The following SLC39A10 variants were observed in gnomAD, a reference collection of about 807,000 sequenced individuals.
SLC39A10 encodes the protein solute carrier family 39 member 10.
In SLC39A10, 13 loss-of-function variants were observed where a neutral mutation model predicts 65.1. The observed-to-expected ratio is 0.20, with a 90% CI of 0.13 to 0.32. SLC39A10 has a LOEUF of 0.32. Among genes scored for constraint, SLC39A10 ranks in the 10% least tolerant of loss-of-function variants. The pLI is 1.00. For synonymous variants in SLC39A10, 321 were observed against 342.2 expected, an observed-to-expected ratio of 0.94 and a Z score of 0.68; for missense variants, 831 against 1,018.4, an observed-to-expected ratio of 0.82 and a Z score of 2.50.
chr2:195,698,738 T>C (rs987528026), intron 3 of SLC39A10, among the ~76,000 whole-genome samples: 3 of 151,964 alleles, frequency 2.0e-5, no homozygotes, highest in Admixed American at 1.3e-4. Flanking sequence ...AATTTTTACA[T>C]CTGTGTTCAT....
At position 195,666,892 on chromosome 2, in the gene SLC39A10, G is replaced by A. The variant is rs182552964; in HGVS notation, c.-12+9611G>A. Among the ~76,000 whole-genome samples the A allele has an allele frequency of 1.1e-3, 171 of 152,308 alleles. 2 individuals are homozygous for A. Among genetic ancestry groups the A allele is most frequent in the East Asian group, 4.4e-3 (23 of 5,192 alleles). ...TGTATTCACAAATAGCAGAACAGAG[G>A]TAGCAATATTACAGGTAGCTTTCTC... On this transcript the variant is annotated intron_variant, in intron 1 of 9. Transcript: ENST00000359634.
chr2:195,684,343 T>C (rs190326769), intron 3 of SLC39A10, among the ~76,000 whole-genome samples: 1 of 152,250 alleles, frequency 6.6e-6, no homozygotes, highest in Non-Finnish European at 1.5e-5. Flanking sequence ...ACTCCAGGAA[T>C]GTCTGGGAAA....
chr2:195,649,511 C>T (rs1027566906), intron 2 of SLC39A10, among the ~76,000 whole-genome samples: 1 of 149,422 alleles, frequency 6.7e-6, no homozygotes, highest in East Asian at 1.9e-4. Flanking sequence ...AAGCCTTAGG[C>T]AAAATTTGAA....
intron 1 of SLC39A10, 42 bp downstream of exon 1, chr2:195,657,323 A>G (rs1183489627): frequency 1.1e-6 from 1 of 936,594 alleles, no homozygotes; most frequent in Non-Finnish European, 1.3e-6. Flanking sequence ...CCTCCCCCAG[A>G]ACCGGCCCCG....
chr2:195,627,626 A>G (rs1176098854), intron 2 of SLC39A10, among the ~76,000 whole-genome samples: 1 of 152,196 alleles, frequency 6.6e-6, no homozygotes, highest in Non-Finnish European at 1.5e-5. Flanking sequence ...AACATGCCAT[A>G]TATGTTTCTT....
At chr2:195,634,602 C>A (rs531970969) in intron 2 of SLC39A10, among the ~76,000 whole-genome samples, 1 of 152,174 alleles carries the variant, frequency 6.6e-6, no homozygotes, top group Admixed American at 6.5e-5. Context: ...GATGTATTGA[C>A]AGAAATGTAA....
chr2:195,627,247 G>A (rs1688492447), intron 2 of SLC39A10, among the ~76,000 whole-genome samples: 1 of 152,030 alleles, frequency 6.6e-6, no homozygotes, highest in Non-Finnish European at 1.5e-5. Flanking sequence ...CTAGAAATCT[G>A]CATTAAACAA....
Position 195,695,103 on chromosome 2 carries a change from C to T in SLC39A10, c.1216+11197C>T, listed in dbSNP as rs551031263. On this transcript the variant is annotated intron_variant, in intron 3 of 9. Transcript: ENST00000359634. The stretch of plus-strand genomic sequence containing the variant: ...CGGAGGCAACTTCCTGAGGCTCCAC[C>T]CCAGTGCGCATTCCTCTCAGTGCTC... 3.3e-5 allele frequency among the ~76,000 whole-genome samples: 5 copies of T among 152,280 alleles called. No individual in the cohort carries two copies. In the East Asian group the frequency reaches 9.7e-4, roughly 29 times the overall value.
intron 2 of SLC39A10, among the ~76,000 whole-genome samples, chr2:195,648,468 A>G (rs1208923083): frequency 6.7e-6 from 1 of 149,700 alleles, no homozygotes; most frequent in Non-Finnish European, 1.5e-5. Flanking sequence ...GCTTGAGCCC[A>G]GGAGTTCAAG....
At position 195,737,272 on chromosome 2, in the gene SLC39A10, T is replaced by C. The variant is rs1692663080; in HGVS notation, c.*2231T>C. 2 of 152,744 alleles carry C rather than the reference T, an allele frequency of 1.3e-5. No homozygotes were observed. The highest frequency in any genetic ancestry group is 1.3e-4 in the Admixed American group (2 of 15,280). 9.5% of individuals were successfully genotyped at this position (152,744 alleles called of 1,614,324 possible). A position where few individuals can be genotyped will look rare whatever the true frequency, so the allele number is the denominator to read the frequency against. On this transcript the variant is annotated 3_prime_UTR_variant, in exon 10 of 10. Transcript: ENST00000359634. ...TTTGGCTCCAACATTCCTTTTAGCTTGACCAGTCTAATTTAAAATGTGTTT... is the reference window on the plus strand; with the variant it reads ...TTTGGCTCCAACATTCCTTTTAGCTCGACCAGTCTAATTTAAAATGTGTTT...
chr2:195,635,080 C>A (rs1007296667), intron 2 of SLC39A10, among the ~76,000 whole-genome samples: 3 of 152,010 alleles, frequency 2.0e-5, no homozygotes, highest in African/African-American at 7.2e-5. Flanking sequence ...AAAAACAAAA[C>A]AAAACAAAAG....
rs910283949 is a variant in SLC39A10, at chr2:195,670,839, G to C, written c.-11-9193G>C. On this transcript the variant is annotated intron_variant, in intron 1 of 9. Transcript: ENST00000359634. ...CACATTTCCCTTTGCGTATTATTAA[G>C]TATGGATGTGTTTCTAGAAATTATG... 2.6e-5 allele frequency among the ~76,000 whole-genome samples: 4 copies of C among 152,302 alleles called. No homozygotes were observed. The East Asian group carries it at 5.8e-4, about 22-fold the overall frequency.
intron 2 of SLC39A10, among the ~76,000 whole-genome samples, chr2:195,623,859 A>G (rs566754816): frequency 5.9e-5 from 9 of 151,500 alleles, no homozygotes; most frequent in Admixed American, 2.0e-4. Context: ...GTTTTTGGTC[A>G]TTTATTAAAA....
At chr2:195,718,682 A>G (rs187273898) in intron 8 of SLC39A10, among the ~76,000 whole-genome samples, 1 of 152,312 alleles carries the variant, frequency 6.6e-6, no homozygotes, top group Admixed American at 6.5e-5. Context: ...TACCATGTAG[A>G]CTATATTTTT....
chr2:195,715,776 A>T (rs1050229366), intron 6 of SLC39A10, among the ~76,000 whole-genome samples: 1 of 152,158 alleles, frequency 6.6e-6, no homozygotes, highest in African/African-American at 2.4e-5. Flanking sequence ...AGTCAGAAAA[A>T]CTTATCTATT....
chr2:195,629,374 A>G (rs565483712), intron 2 of SLC39A10, among the ~76,000 whole-genome samples: 64 of 149,934 alleles, frequency 4.3e-4, no homozygotes, highest in Non-Finnish European at 8.3e-4. Flanking sequence ...AGCCTGGACG[A>G]CAGAGCGAGA....
rs1247624559 is a variant in SLC39A10 at position 195,630,149 on chromosome 2, T to G, written c.-12+23916T>G. Among the ~76,000 whole-genome samples the G allele has an allele frequency of 5.4e-5, 8 of 148,166 alleles. No individual in the cohort carries two copies. The South Asian group carries it at 8.4e-4, about 16-fold the overall frequency. On this transcript the variant is annotated intron_variant, in intron 2 of 2. Coordinates refer to the SLC39A10 transcript ENST00000458054. ...TGTGTGTGTGTATGGTTTGGGTTTT[T>G]TTTTTTTTTTTTTTAATAAACTGAG...
intron 2 of SLC39A10, among the ~76,000 whole-genome samples, chr2:195,646,250 TTTTTA>T (rs1040586736): frequency 3.3e-5 from 5 of 152,072 alleles, no homozygotes; most frequent in African/African-American, 9.7e-5. Context: ...TCAACAATTC[TTTTTA>T]TTTTATTTTT....
At chr2:195,696,633 C>T (rs1459690110) in intron 3 of SLC39A10, among the ~76,000 whole-genome samples, 2 of 151,826 alleles carry the variant, frequency 1.3e-5, no homozygotes, top group Non-Finnish European at 2.9e-5. Flanking sequence ...CCCGTGTAGT[C>T]GAAAATTTGT....
Sources: allele counts gnomAD v4.1 joint callset (sites outside exome capture counted in the v4.1 genomes callset), GRCh38; gene constraint gnomAD v4.1.1; transcripts MANE v1.5; gene names NCBI Gene and HGNC (gene_info 2026-07-23, HGNC 2026-07-21).